The following DCHS2 variants were observed in gnomAD, a reference collection of about 807,000 sequenced individuals.
The protein encoded by DCHS2 is dachsous cadherin-related 2.
DCHS2 carries 142 observed loss-of-function variants against 182.4 expected under a neutral mutation model. The observed-to-expected ratio is 0.78, with a 90% CI of 0.68 to 0.89. The LOEUF (loss-of-function observed/expected upper bound fraction) is 0.89, where lower values mean the gene tolerates loss of function less well. Among genes scored for constraint, DCHS2 ranks in the 40% least tolerant of loss-of-function variants. DCHS2 has a pLI of 0.00. For synonymous variants in DCHS2, 1,740 were observed against 1,663.3 expected (o/e 1.05, Z -1.12); for missense variants, 4,319 against 4,198.6 (o/e 1.03, Z -0.79).
At chr4:154,327,805 A>T (rs1736343924) in intron 7 of DCHS2, among the ~76,000 whole-genome samples, 1 of 152,202 alleles carries the variant, frequency 6.6e-6, no homozygotes, top group South Asian at 2.1e-4. Flanking sequence ...CAATAAAAGT[A>T]AATTTGTACT....
chr4:154,409,370 G>A (rs1196089317), intron 1 of DCHS2, among the ~76,000 whole-genome samples: 1 of 152,042 alleles, frequency 6.6e-6, no homozygotes, highest in Non-Finnish European at 1.5e-5. Context: ...TTATCTTCTG[G>A]GGCCTGAGTT....
intron 13 of DCHS2, among the ~76,000 whole-genome samples, chr4:154,278,619 T>TA (rs199732519): frequency 0.15 from 21,030 of 143,832 alleles, 1,664 homozygotes; most frequent in Middle Eastern, 0.23. Flanking sequence ...AATCTTAAAT[T>TA]AAAAAAAAAA....
chr4:154,305,518 A>G (rs1735409729), intron 10 of DCHS2, among the ~76,000 whole-genome samples: 2 of 152,182 alleles, frequency 1.3e-5, no homozygotes, highest in South Asian at 4.1e-4. Context: ...GTGCAACTCT[A>G]CAACATATTC....
intron 8 of DCHS2, 138 bp downstream of exon 8, chr4:154,322,193 C>A (rs969637337): frequency 7.2e-6 from 9 of 1,242,662 alleles, no homozygotes; most frequent in Non-Finnish European, 6.6e-6. Context: ...ATGTGCAATG[C>A]TCTCAAAATA....
chr4:154,280,163 C>T (rs1427210509), intron 13 of DCHS2, among the ~76,000 whole-genome samples: 1 of 151,874 alleles, frequency 6.6e-6, no homozygotes, highest in Non-Finnish European at 1.5e-5. Flanking sequence ...TATAACCTAC[C>T]AAGACTGAAT....
At chr4:154,475,307 A>G (rs1735640162) in intron 1 of DCHS2, among the ~76,000 whole-genome samples, 1 of 152,190 alleles carries the variant, frequency 6.6e-6, no homozygotes, top group African/African-American at 2.4e-5. Flanking sequence ...TGGATCTTAA[A>G]ATTTATTAGC....
At chr4:154,396,099 G>T (rs1287415565) in intron 1 of DCHS2, among the ~76,000 whole-genome samples, 1 of 152,136 alleles carries the variant, frequency 6.6e-6, no homozygotes, top group Middle Eastern at 3.2e-3. Context: ...GCTTTTCTGG[G>T]ATTTTTCTTT....
At chr4:154,374,774 TACAAAAGAGTA>T (rs1461356427) in intron 2 of DCHS2, among the ~76,000 whole-genome samples, 114 of 152,196 alleles carry the variant, frequency 7.5e-4, no homozygotes, top group African/African-American at 2.6e-3. Flanking sequence ...GGTCTGTCTA[TACAAAAGAGTA>T]GTAAGCAGAT....
rs760227780 is a variant in DCHS2 at position 154,240,869 on chromosome 4, T to C, written c.7073-46A>G. The C allele has an allele frequency of 1.7e-5, 27 of 1,595,466 alleles. No homozygotes were observed. The South Asian group carries it at 3.0e-4, about 18-fold the overall frequency. ...GTCAGTCTCCATTAAAATTCATCCTTTGAAATACATTTCTTTAGTAGTTCC... is the reference window on the plus strand; with the variant it reads ...GTCAGTCTCCATTAAAATTCATCCTCTGAAATACATTTCTTTAGTAGTTCC... On this transcript the variant is annotated intron_variant, in intron 17 of 19. Transcript: ENST00000357232.
intron 14 of DCHS2, among the ~76,000 whole-genome samples, chr4:154,268,022 T>C (rs1427803361): frequency 1.3e-5 from 2 of 152,212 alleles, no homozygotes; most frequent in South Asian, 2.1e-4. Context: ...CCAAATTTAA[T>C]GCCTTTTCCA....
At chr4:154,473,244 A>G (rs1222242086) in intron 1 of DCHS2, among the ~76,000 whole-genome samples, 1 of 151,994 alleles carries the variant, frequency 6.6e-6, no homozygotes, top group Non-Finnish European at 1.5e-5. Context: ...CACCACCACA[A>G]CTCTGGGCTC....
intron 1 of DCHS2, among the ~76,000 whole-genome samples, chr4:154,390,609 A>G (rs1347169514): frequency 6.6e-6 from 1 of 152,008 alleles, no homozygotes; most frequent in African/African-American, 2.4e-5. Context: ...TATGACGCCT[A>G]CTTTCCCAAG....
At chr4:154,477,541 C>T (rs1384048157) in intron 1 of DCHS2, among the ~76,000 whole-genome samples, 2 of 152,130 alleles carry the variant, frequency 1.3e-5, no homozygotes, top group South Asian at 2.1e-4. Flanking sequence ...CTTGATCTTA[C>T]AAGCAGTGCA....
intron 16 of DCHS2, among the ~76,000 whole-genome samples, chr4:154,249,720 G>T (rs1433330636): frequency 6.6e-6 from 1 of 152,110 alleles, no homozygotes; most frequent in Non-Finnish European, 1.5e-5. Flanking sequence ...CCATAAAAAA[G>T]AATAAAATCA....
intron 1 of DCHS2, among the ~76,000 whole-genome samples, chr4:154,430,253 A>G (rs1371299936): frequency 6.6e-6 from 1 of 152,208 alleles, no homozygotes; most frequent in Non-Finnish European, 1.5e-5. Context: ...AACCAGCCAT[A>G]TTTATGCCAC....
intron 4 of DCHS2, chr4:154,334,577 G>A (rs1232023484): frequency 6.7e-6 from 2 of 296,462 alleles, no homozygotes; most frequent in Non-Finnish European, 1.3e-5. Flanking sequence ...GTGTGTACAT[G>A]TGTGTGTTTT....
intron 1 of DCHS2, among the ~76,000 whole-genome samples, chr4:154,396,088 G>A (rs1731917694): frequency 6.6e-6 from 1 of 152,136 alleles, no homozygotes; most frequent in Admixed American, 6.5e-5. Flanking sequence ...GATCAGCTGA[G>A]GCTTTTCTGG....
intron 10 of DCHS2, among the ~76,000 whole-genome samples, chr4:154,308,716 T>C (rs1195075156): frequency 1.3e-5 from 2 of 152,180 alleles, no homozygotes; most frequent in Admixed American, 6.5e-5. Context: ...ATTATCTCAT[T>C]GTATTAACAT....
intron 1 of DCHS2, among the ~76,000 whole-genome samples, chr4:154,415,190 T>G (rs890012925): frequency 7.2e-5 from 11 of 152,254 alleles, no homozygotes; most frequent in African/African-American, 2.7e-4. Flanking sequence ...CATAAAAATT[T>G]TTTCAGAAAT....
Sources: gnomAD v4.1 joint callset for allele counts (sites outside exome capture counted in the v4.1 genomes callset) on GRCh38, gnomAD v4.1.1 for gene constraint, MANE v1.5 for transcripts, NCBI Gene and HGNC (gene_info 2026-07-23, HGNC 2026-07-21) for gene names.